MACROH2A1: variants seen among roughly 807,000 people sequenced by gnomAD.
MACROH2A1 encodes the protein macroH2A.1 histone.
MACROH2A1 carries 2 observed loss-of-function variants against 31.6 expected under a neutral mutation model. The ratio of observed to expected loss-of-function variants is 0.06; its 90% CI spans 0.03 to 0.20. The LOEUF is 0.20. Among genes scored for constraint, MACROH2A1 ranks in the 10% least tolerant of loss-of-function variants. MACROH2A1 has a pLI of 1.00. For synonymous variants in MACROH2A1, 169 were observed against 189.6 expected (o/e 0.89, Z 0.89); for missense variants, 230 against 474.0 (o/e 0.49, Z 4.78).
chr5:135,387,987 A>G (rs753159601), intron 2 of MACROH2A1, among the ~76,000 whole-genome samples: 2 of 151,718 alleles, frequency 1.3e-5, no homozygotes, highest in Non-Finnish European at 2.9e-5. Context: ...CATTAAAGCG[A>G]GTAATGAAAT....
In MACROH2A1 at chr5:135,353,054, A is replaced by G. The variant is rs768634655; in HGVS notation, c.589-9T>C. The G allele has an allele frequency of 1.3e-6, 2 of 1,558,690 alleles. No individual in the cohort carries two copies. The highest frequency in any genetic ancestry group is 2.7e-5 in the African/African-American group (2 of 73,818). The stretch of plus-strand genomic sequence containing the variant: ...CTGTGAATAAGGTTCAGCTGCAAAG[A>G]AAAGCATGAGGTGGGAAATAACAGG... On this transcript the variant is annotated splice_polypyrimidine_tract_variant and intron_variant, in intron 5 of 8. Coordinates refer to ENST00000511689, the MANE Select transcript of MACROH2A1 (RefSeq NM_138610.3).
chr5:135,345,115 C>G (rs1361236465), intron 7 of MACROH2A1: 1 of 152,172 alleles, frequency 6.6e-6, no homozygotes, highest in Non-Finnish European at 1.5e-5. Context: ...GCAGGTAAAA[C>G]AGAAGTGGCA....
At chr5:135,339,574 G>A (rs910226101) in intron 8 of MACROH2A1, among the ~76,000 whole-genome samples, 7 of 152,204 alleles carry the variant, frequency 4.6e-5, no homozygotes, top group African/African-American at 1.4e-4. Context: ...TGCAATTGAC[G>A]GCTGGGGAGG....
intron 2 of MACROH2A1, among the ~76,000 whole-genome samples, chr5:135,373,006 C>T (rs1285008840): frequency 6.6e-6 from 1 of 152,216 alleles, no homozygotes; most frequent in Non-Finnish European, 1.5e-5. Context: ...TCTGCCCCCT[C>T]ATTAACAGAG....
intron 6 of MACROH2A1, 160 bp from the exon 7 acceptor site, chr5:135,346,217 A>G: frequency 1.6e-6 from 1 of 623,092 alleles, no homozygotes; most frequent in Non-Finnish European, 2.9e-6. Context: ...AGTAAAATTG[A>G]GAAGGGCTTT....
At chr5:135,368,358 CCTCA>C (rs1167206684) in intron 4 of MACROH2A1, among the ~76,000 whole-genome samples, 2 of 152,224 alleles carry the variant, frequency 1.3e-5, no homozygotes, top group Non-Finnish European at 2.9e-5. Flanking sequence ...GGGAAGGTGT[CCTCA>C]CTGTCTCACT....
intron 5 of MACROH2A1, 131 bp from the exon 6 acceptor site, chr5:135,353,176 T>C: frequency 1.5e-6 from 1 of 656,854 alleles, no homozygotes; most frequent in South Asian, 1.8e-5. Context: ...AGGGAGTTGC[T>C]GGCTCAAATG....
intron 2 of MACROH2A1, among the ~76,000 whole-genome samples, chr5:135,375,039 A>G (rs1350312404): frequency 6.6e-6 from 1 of 152,222 alleles, no homozygotes; most frequent in Non-Finnish European, 1.5e-5. Context: ...GAGGACTGTA[A>G]GTGTGGTAAA....
chr5:135,367,798 G>C (rs1369605623), intron 4 of MACROH2A1, among the ~76,000 whole-genome samples: 1 of 152,254 alleles, frequency 6.6e-6, no homozygotes, highest in East Asian at 1.9e-4. Flanking sequence ...ATCAAAAGAT[G>C]ATAGATTCAG....
rs750872332 is a variant in MACROH2A1 at position 135,335,138 on chromosome 5, G to A, written c.957C>T (p.Asn319=). Reference sequence around the variant, plus strand: ...GAGCTGCTGTCTGCTTTGGAAAACCGTTCCTGGAGAAGAGAAGATAAGCAC... The same window carrying A: ...GAGCTGCTGTCTGCTTTGGAAAACCATTCCTGGAGAAGAGAAGATAAGCAC... The part of the protein sequence containing the change: ...IAFPSIGSGR[N]GFPKQTAAQL... The change falls in exon 9 of 9, where the codon AAC becomes AAT. Residue 319 remains asparagine, a synonymous_variant. Coordinates refer to ENST00000511689, the MANE Select transcript of MACROH2A1 (RefSeq NM_138610.3). 3.1e-5 allele frequency: 50 copies of A among 1,613,444 alleles called. No individual in the cohort carries two copies. The highest frequency in any genetic ancestry group is 2.8e-4 in the African/African-American group (21 of 74,930).
intron 6 of MACROH2A1, among the ~76,000 whole-genome samples, chr5:135,351,926 T>TC (rs1038565602): frequency 5.9e-5 from 9 of 151,916 alleles, no homozygotes; most frequent in African/African-American, 2.2e-4. Flanking sequence ...TGTGGCCTTT[T>TC]TTTTTTTAAG....
intron 1 of MACROH2A1, among the ~76,000 whole-genome samples, chr5:135,396,667 G>A (rs952834856): frequency 1.3e-5 from 2 of 151,986 alleles, no homozygotes; most frequent in Non-Finnish European, 2.9e-5. Flanking sequence ...CTGCTGGGGG[G>A]CTACGTGGGG....
At chr5:135,343,120 T>C in intron 8 of MACROH2A1, 140 bp downstream of exon 8, 1 of 1,561,868 alleles carries the variant, frequency 6.4e-7, no homozygotes, top group South Asian at 1.1e-5. Flanking sequence ...GTCTGCATTC[T>C]TCCCTGTGTT....
chr5:135,378,181 C>A (rs1322522552), intron 2 of MACROH2A1, among the ~76,000 whole-genome samples: 2 of 152,274 alleles, frequency 1.3e-5, no homozygotes, highest in Non-Finnish European at 2.9e-5. Context: ...CCATACCTGA[C>A]TGGGCACTGC....
chr5:135,379,232 C>G (rs1347633464), intron 2 of MACROH2A1, among the ~76,000 whole-genome samples: 1 of 152,166 alleles, frequency 6.6e-6, no homozygotes, highest in Non-Finnish European at 1.5e-5. Context: ...TGATGTCAAC[C>G]CCGTGAGAGG....
chr5:135,377,927 A>T (rs1209134754), intron 2 of MACROH2A1, among the ~76,000 whole-genome samples: 1 of 152,044 alleles, frequency 6.6e-6, no homozygotes, highest in Non-Finnish European at 1.5e-5. Context: ...GAGCAGTGTG[A>T]GTGTGTCATA....
At chr5:135,379,042 C>T (rs1356384537) in intron 2 of MACROH2A1, among the ~76,000 whole-genome samples, 1 of 152,124 alleles carries the variant, frequency 6.6e-6, no homozygotes. Context: ...TAAATGTGAA[C>T]CAAAGACTAC....
chr5:135,337,853 G>C, intron 8 of MACROH2A1: 3 of 728,388 alleles, frequency 4.1e-6, no homozygotes, highest in South Asian at 3.6e-5. Context: ...AGCATTTCAG[G>C]GTTGTTGGTG....
chr5:135,340,829 T>A (rs546966024), intron 8 of MACROH2A1, among the ~76,000 whole-genome samples: 1 of 152,358 alleles, frequency 6.6e-6, no homozygotes, highest in South Asian at 2.1e-4. Flanking sequence ...TTTTTACTCA[T>A]GAAAGAGAGG....
Sources: allele counts gnomAD v4.1 joint callset (sites outside exome capture counted in the v4.1 genomes callset), GRCh38; gene constraint gnomAD v4.1.1; transcripts MANE v1.5; gene names NCBI Gene and HGNC (gene_info 2026-07-23, HGNC 2026-07-21).